The following ADGRV1 variants were observed in gnomAD, a reference collection of about 807,000 sequenced individuals.
ADGRV1 encodes adhesion G protein-coupled receptor V1.
Under a neutral mutation model 596.2 loss-of-function variants are expected in ADGRV1, and 359 were observed. That is an observed-to-expected ratio of 0.60 (90% CI 0.55 to 0.66). The LOEUF is 0.66. Ranked by LOEUF, ADGRV1 falls within the 30% of genes least tolerant of loss-of-function variation. ADGRV1 has a pLI of 0.00. For synonymous variants in ADGRV1, 2,681 were observed against 2,679.2 expected, an observed-to-expected ratio of 1.00 and a Z score of -0.02; for missense variants, 7,274 against 7,575.6, an observed-to-expected ratio of 0.96 and a Z score of 1.48.
intron 86 of ADGRV1, among the ~76,000 whole-genome samples, chr5:91,093,503 A>T (rs1317784327): frequency 6.6e-6 from 1 of 152,262 alleles, no homozygotes; most frequent in Non-Finnish European, 1.5e-5. Flanking sequence ...TTGAACAAAC[A>T]TTAAGTGACT....
intron 87 of ADGRV1, among the ~76,000 whole-genome samples, chr5:91,134,580 A>G (rs948890917): frequency 8.5e-5 from 13 of 152,226 alleles, no homozygotes; most frequent in African/African-American, 3.1e-4. Flanking sequence ...GGGGAGGAAT[A>G]TATAGATTCA....
At chr5:90,812,053 G>A (rs1465622954) in intron 74 of ADGRV1, among the ~76,000 whole-genome samples, 5 of 150,952 alleles carry the variant, frequency 3.3e-5, no homozygotes, top group East Asian at 3.9e-4. Flanking sequence ...TCAGCTTCCC[G>A]AGTAGCTGGG....
At chr5:90,723,126 G>C (rs1196461841) in intron 45 of ADGRV1, among the ~76,000 whole-genome samples, 1 of 152,092 alleles carries the variant, frequency 6.6e-6, no homozygotes, top group African/African-American at 2.4e-5. Flanking sequence ...CATAGAAAGG[G>C]CTATTTGTAT....
At chr5:90,795,879 A>C (rs1446194926) in intron 70 of ADGRV1, among the ~76,000 whole-genome samples, 6 of 152,218 alleles carry the variant, frequency 3.9e-5, no homozygotes, top group Admixed American at 2.6e-4. Context: ...GACCTCCAGC[A>C]AACTCCAGCA....
At chr5:90,861,047 G>T (rs1029001201) in intron 82 of ADGRV1, among the ~76,000 whole-genome samples, 1 of 151,970 alleles carries the variant, frequency 6.6e-6, no homozygotes, top group Non-Finnish European at 1.5e-5. Context: ...TGTAGAGATA[G>T]ATAAGAGAAT....
chr5:90,838,072 A>C (rs1765117638), intron 77 of ADGRV1, among the ~76,000 whole-genome samples: 1 of 152,184 alleles, frequency 6.6e-6, no homozygotes, highest in Non-Finnish European at 1.5e-5. Flanking sequence ...ATGTCTGTGA[A>C]CTATCCATGC....
intron 85 of ADGRV1, among the ~76,000 whole-genome samples, chr5:91,053,031 A>G (rs1233035257): frequency 6.6e-6 from 1 of 152,042 alleles, no homozygotes; most frequent in Non-Finnish European, 1.5e-5. Context: ...CCTCTACTAC[A>G]CTTCCTAAGG....
At chr5:90,634,780 G>A (rs539884454) in intron 9 of ADGRV1, among the ~76,000 whole-genome samples, 9 of 151,456 alleles carry the variant, frequency 5.9e-5, no homozygotes, top group African/African-American at 2.2e-4. Context: ...TAAGGTGTTT[G>A]TGTGACATTT....
chr5:90,897,407 GTTAA>G (rs1448948006), intron 83 of ADGRV1, among the ~76,000 whole-genome samples: 3 of 152,152 alleles, frequency 2.0e-5, no homozygotes, highest in Admixed American at 2.0e-4. Context: ...ATAATATAGT[GTTAA>G]TTATTTAGAA....
chr5:90,721,570 AT>A lies in ADGRV1; in HGVS notation c.9748+512del, dbSNP rs1466274617. Among the ~76,000 whole-genome samples, 19 of 139,666 alleles carry A rather than the reference AT, an allele frequency of 1.4e-4. 2 individuals carry two copies. The highest frequency in any genetic ancestry group is 5.5e-4 in the African/African-American group (19 of 34,338). 91.6% of individuals were successfully genotyped at this position (139,666 alleles called of 152,430 possible). ...ATAAAATAAAATAAAATAAAATAAA[AT>A]AAAATAAAATAAAATAAAATATGTA... On this transcript the variant is annotated intron_variant, in intron 45 of 89. Coordinates refer to ENST00000405460, the MANE Select transcript of ADGRV1 (RefSeq NM_032119.4).
chr5:90,878,542 A>G (rs939667824), intron 83 of ADGRV1, among the ~76,000 whole-genome samples: 5 of 152,204 alleles, frequency 3.3e-5, no homozygotes, highest in African/African-American at 7.2e-5. Context: ...AGTCCTAAAT[A>G]TGAATTAAGA....
chr5:91,127,225 T>C (rs558397251), intron 87 of ADGRV1, among the ~76,000 whole-genome samples: 1 of 152,072 alleles, frequency 6.6e-6, no homozygotes, highest in East Asian at 1.9e-4. Context: ...CACAAGACAT[T>C]TGAGACTTCA....
rs530753322 is a variant in ADGRV1 at position 90,879,445 on chromosome 5, T to C, written c.17856+15588T>C. On this transcript the variant is annotated intron_variant, in intron 83 of 89. Coordinates refer to ENST00000405460, the MANE Select transcript of ADGRV1 (RefSeq NM_032119.4). ...GGATGTTATGGAAGTAAAACAGTTA[T>C]TTTGTTTAGGTTTAAATTTTTTTAA... Among the ~76,000 whole-genome samples the C allele has an allele frequency of 2.6e-5, 4 of 152,278 alleles. No homozygotes were observed. The East Asian group carries it at 7.7e-4, about 29-fold the overall frequency.
intron 16 of ADGRV1, among the ~76,000 whole-genome samples, chr5:90,646,776 T>C (rs1238495077): frequency 1.1e-5 from 1 of 95,096 alleles, no homozygotes; most frequent in Non-Finnish European, 2.1e-5. Flanking sequence ...TTTCTTCTTC[T>C]TTTTTTTTTT....
At chr5:90,797,636 A>G (rs1270159849) in intron 70 of ADGRV1, among the ~76,000 whole-genome samples, 4 of 152,208 alleles carry the variant, frequency 2.6e-5, no homozygotes, top group Admixed American at 2.6e-4. Flanking sequence ...CCTAAGAGAC[A>G]TCTACAGGTA....
At chr5:90,869,078 C>T (rs1241134592) in intron 83 of ADGRV1, among the ~76,000 whole-genome samples, 28 of 152,024 alleles carry the variant, frequency 1.8e-4, no homozygotes, top group Non-Finnish European at 1.3e-4. Context: ...AAAGCACTAA[C>T]CTCATAGTAA....
intron 1 of ADGRV1, among the ~76,000 whole-genome samples, chr5:90,559,474 A>G (rs1023648879): frequency 2.6e-5 from 4 of 152,174 alleles, no homozygotes; most frequent in African/African-American, 9.7e-5. Flanking sequence ...GTATATGTAT[A>G]TATATTTAAA....
In ADGRV1 at chr5:90,783,900, G is replaced by A. The variant is rs375122809; in HGVS notation, c.13496G>A (p.Arg4499His). 112 of 1,611,912 alleles carry A rather than the reference G, an allele frequency of 6.9e-5. 1 individual carries two copies. Among genetic ancestry groups the A allele is most frequent in the East Asian group, 3.3e-4 (15 of 44,790 alleles). Reference protein sequence around the residue: ...TGATGGAVLGRHLVSRIIIAK... With the variant: ...TGATGGAVLGHHLVSRIIIAK... Reference sequence around the variant, plus strand: ...GCTACTGGAGGAGCGGTCCTTGGGCGCCACCTAGTGAGCAGAATCATAATA... The same window carrying A: ...GCTACTGGAGGAGCGGTCCTTGGGCACCACCTAGTGAGCAGAATCATAATA... Residue 4499 changes from arginine (R) to histidine (H), a missense_variant, in exon 67 of 90, where the codon CGC becomes CAC. Around this residue, in one of 5 missense-constraint regions of ADGRV1, gnomAD observed 3,643 missense variants for 3,809.2 expected, o/e 0.96. Transcript: ENST00000405460.
At chr5:91,086,427 A>C (rs1789881349) in intron 86 of ADGRV1, among the ~76,000 whole-genome samples, 1 of 151,926 alleles carries the variant, frequency 6.6e-6, no homozygotes, top group African/African-American at 2.4e-5. Flanking sequence ...TCCTCTTGAT[A>C]CTTTTTCTGG....
Sources: allele counts gnomAD v4.1 joint callset (sites outside exome capture counted in the v4.1 genomes callset), GRCh38; gene constraint gnomAD v4.1.1; regional missense constraint gnomAD v4.1.1; transcripts MANE v1.5; gene names NCBI Gene and HGNC (gene_info 2026-07-23, HGNC 2026-07-21).